Variants in TM7SF3 observed in about 807,000 individuals in gnomAD.
The protein encoded by TM7SF3 is transmembrane 7 superfamily member 3.
Under a neutral mutation model 65.5 loss-of-function variants are expected in TM7SF3, and 60 were observed. The observed-to-expected ratio is 0.92, with a 90% CI of 0.74 to 1.14. The LOEUF (loss-of-function observed/expected upper bound fraction) is 1.14. Ranked by LOEUF, TM7SF3 falls within the 50% of genes most tolerant of loss-of-function variation. The probability of loss-of-function intolerance (pLI) is 0.00; values close to 1 mark genes in which losing one functional copy is unlikely to be tolerated. For synonymous variants in TM7SF3, 264 were observed against 259.6 expected (o/e 1.02, Z -0.16); for missense variants, 623 against 684.8 (o/e 0.91, Z 1.01).
chr12:27,010,580 A>C (rs1490938508), intron 1 of TM7SF3, among the ~76,000 whole-genome samples: 2 of 152,246 alleles, frequency 1.3e-5, no homozygotes, highest in Non-Finnish European at 2.9e-5. Flanking sequence ...ATTTAACTTC[A>C]CCTCTAAGGC....
chr12:26,973,831 A>G lies in TM7SF3; in HGVS notation c.*134T>C. 1 of 1,140,602 alleles carries G rather than the reference A, an allele frequency of 8.8e-7. No individual in the cohort carries two copies. Among genetic ancestry groups the G allele is most frequent in the Non-Finnish European group, 1.2e-6 (1 of 810,470 alleles). The allele number at this position is 1,140,602 out of a possible 1,614,324, so 70.7% of individuals were successfully genotyped here. A position where few individuals can be genotyped will look rare whatever the true frequency, so the allele number is the denominator to read the frequency against. ...CCCTAGTACACCCTTACCATATATC[A>G]ATAAGGGCACCATAATATTATGCAA... is the stretch of plus-strand genomic sequence containing the variant. On this transcript the variant is annotated 3_prime_UTR_variant, in exon 12 of 12. Coordinates refer to ENST00000343028, the MANE Select transcript of TM7SF3 (RefSeq NM_016551.3).
chr12:27,004,729 C>T (rs1940965159), intron 1 of TM7SF3, among the ~76,000 whole-genome samples: 3 of 151,986 alleles, frequency 2.0e-5, no homozygotes, highest in African/African-American at 7.3e-5. Context: ...TCCCTAAGCT[C>T]TGTGATGCTA....
rs75203210 is a variant in TM7SF3, at chr12:27,011,420, A to G, written c.91+2658T>C. ...ACTGCTTAAAAGTATGATCCATCTC[A>G]TGTGCCTACTGGTCACAGAAAGCAC... is the stretch of plus-strand genomic sequence containing the variant. On this transcript the variant is annotated intron_variant, in intron 1 of 11. Coordinates refer to ENST00000343028, the MANE Select transcript of TM7SF3 (RefSeq NM_016551.3). Among the ~76,000 whole-genome samples the G allele has an allele frequency of 6.7e-4, 102 of 152,336 alleles. 1 individual carries two copies. Among genetic ancestry groups the G allele is most frequent in the African/African-American group, 2.2e-3 (93 of 41,568 alleles).
At chr12:27,004,134 T>G (rs187551181) in intron 1 of TM7SF3, among the ~76,000 whole-genome samples, 66 of 152,328 alleles carry the variant, frequency 4.3e-4, no homozygotes, top group African/African-American at 1.5e-3. Flanking sequence ...CTTGCCTCCA[T>G]GGTCTGCATC....
Position 26,980,573 on chromosome 12 carries a change from C to T in TM7SF3, c.1029G>A (p.Lys343=), listed in dbSNP as rs923572920. 1.3e-6 allele frequency: 2 copies of T among 1,488,458 alleles called. No individual in the cohort carries two copies. The highest frequency in any genetic ancestry group is 1.9e-6 in the Non-Finnish European group (2 of 1,070,354). The allele number at this position is 1,488,458 out of a possible 1,614,324, so 92.2% of individuals were successfully genotyped here. ...YILITRLTPI[K]YDVNLILTAV... ...TATATAATTTTCACTTACCATCATA[C>T]TTGATAGGTGTCAGTCTTGTAATCA... The change falls in exon 8 of 12, where the codon AAG becomes AAA. Residue 343 remains lysine, a synonymous_variant. Transcript: ENST00000343028.
At chr12:26,995,556 G>A in intron 4 of TM7SF3, 148 bp from the exon 5 acceptor site, 1 of 835,732 alleles carries the variant, frequency 1.2e-6, no homozygotes, top group Non-Finnish European at 1.9e-6. Flanking sequence ...TTGGTATTCT[G>A]AAGAAAAGTA....
chr12:26,991,553 T>C (rs146987332), intron 5 of TM7SF3, among the ~76,000 whole-genome samples: 282 of 152,254 alleles, frequency 1.9e-3, no homozygotes, highest in African/African-American at 6.7e-3. Context: ...TTGAGAAAAA[T>C]AAATATTAGG....
At chr12:26,999,809 C>A (rs2136434212) in intron 2 of TM7SF3, 133 bp from the exon 3 acceptor site, 2 of 872,954 alleles carry the variant, frequency 2.3e-6, no homozygotes, top group East Asian at 2.6e-5. Flanking sequence ...CTTAAATAAC[C>A]AGGGAATTCT....
chr12:26,995,762 G>A (rs548073672), intron 4 of TM7SF3, among the ~76,000 whole-genome samples: 1 of 152,200 alleles, frequency 6.6e-6, no homozygotes, highest in South Asian at 2.1e-4. Flanking sequence ...TGTCATGTGT[G>A]GACACAATGA....
intron 3 of TM7SF3, among the ~76,000 whole-genome samples, chr12:26,998,722 G>A (rs529725235): frequency 1.7e-4 from 26 of 152,008 alleles, no homozygotes; most frequent in Non-Finnish European, 1.8e-4. Context: ...ACTCTGCTGC[G>A]CCCTCTCCAA....
chr12:26,999,155 G>C (rs1017855797), intron 3 of TM7SF3, among the ~76,000 whole-genome samples: 16 of 152,176 alleles, frequency 1.1e-4, no homozygotes, highest in African/African-American at 3.9e-4. Flanking sequence ...CCAGCACTTT[G>C]GGAGGCTGAG....
chr12:27,004,573 CTT>C (rs927964596), intron 1 of TM7SF3, among the ~76,000 whole-genome samples: 1 of 148,352 alleles, frequency 6.7e-6, no homozygotes, highest in African/African-American at 2.5e-5. Flanking sequence ...ATTTTCAACA[CTT>C]TTTTTTTTAA....
intron 9 of TM7SF3, chr12:26,978,036 C>A: frequency 2.3e-6 from 1 of 439,128 alleles, no homozygotes; most frequent in Non-Finnish European, 4.5e-6. Context: ...TTTGAGGTTG[C>A]AGTGAGCTAT....
chr12:26,990,553 A>C lies in TM7SF3; in HGVS notation c.765T>G (p.Asn255Lys). 1 of 1,614,050 alleles carries C rather than the reference A, an allele frequency of 6.2e-7. No individual in the cohort carries two copies. The highest frequency in any genetic ancestry group is 8.5e-7 in the Non-Finnish European group (1 of 1,179,896). ...SSLPGQGVIY[N>K]VIVWDPFLNT... The stretch of plus-strand genomic sequence containing the variant: ...TTAGAAACGGGTCCCAAACAATGAC[A>C]TTGTATATGACACCTTGTCCCGGGA... The change falls in exon 6 of 12, where the codon AAT becomes AAG. Residue 255 changes from asparagine to lysine, a missense_variant. Coordinates refer to ENST00000343028, the MANE Select transcript of TM7SF3 (RefSeq NM_016551.3).
At chr12:26,988,303 A>T (rs767682237) in intron 6 of TM7SF3, among the ~76,000 whole-genome samples, 17 of 152,258 alleles carry the variant, frequency 1.1e-4, no homozygotes, top group Non-Finnish European at 2.2e-4. Flanking sequence ...AGCTGGAACG[A>T]CAGGCATGTG....
At chr12:26,988,114 T>C (rs1592286020) in intron 6 of TM7SF3, among the ~76,000 whole-genome samples, 1 of 148,018 alleles carries the variant, frequency 6.8e-6, no homozygotes, top group Admixed American at 6.7e-5. Context: ...AAGAGACACA[T>C]CGGTTAAATG....
intron 5 of TM7SF3, among the ~76,000 whole-genome samples, chr12:26,993,553 GCCCACCTGGAATAGGT>G (rs1940467089): frequency 6.6e-6 from 1 of 152,084 alleles, no homozygotes; most frequent in East Asian, 1.9e-4. Flanking sequence ...AACTAGCTTT[GCCCACCTGGAATAGGT>G]GGAGACTATA....
rs1253028323 is a variant in TM7SF3 at position 26,998,357 on chromosome 12, G to C, written c.397+1169C>G. Among the ~76,000 whole-genome samples the C allele has an allele frequency of 1.3e-5, 2 of 151,996 alleles. 1 individual carries two copies. The highest frequency in any genetic ancestry group is 4.1e-4 in the South Asian group (2 of 4,822). ...CTTTTATTAACAGCTATTTAGTTGG[G>C]AATCTAATCTCACCCCTCCACTCCA... On this transcript the variant is annotated intron_variant, in intron 3 of 11. Transcript: ENST00000343028.
In TM7SF3 at chr12:27,014,256, C is replaced by G; in HGVS notation, c.-88G>C. 2 of 1,231,058 alleles carry G rather than the reference C, an allele frequency of 1.6e-6. No individual in the cohort carries two copies. The highest frequency in any genetic ancestry group is 1.6e-5 in the African/African-American group (1 of 61,554). 76.3% of individuals were successfully genotyped at this position (1,231,058 alleles called of 1,614,324 possible). ...GGCCCCGCAGCCTCGCCCACGCTAT[C>G]CCGGGGCGCCCGCATCGGGCGCCAT... On this transcript the variant is annotated 5_prime_UTR_variant, in exon 1 of 12. Coordinates refer to ENST00000343028, the MANE Select transcript of TM7SF3 (RefSeq NM_016551.3).
Sources: allele counts gnomAD v4.1 joint callset (sites outside exome capture counted in the v4.1 genomes callset), GRCh38; gene constraint gnomAD v4.1.1; transcripts MANE v1.5; gene names NCBI Gene and HGNC (gene_info 2026-07-23, HGNC 2026-07-21).